The following VPS8 variants were observed in gnomAD, a reference collection of about 807,000 sequenced individuals.
VPS8 encodes vacuolar protein sorting-associated protein 8 homolog.
A neutral mutation model predicts 216.4 loss-of-function variants in VPS8; 129 were observed. That is an observed-to-expected ratio of 0.60 (90% CI 0.52 to 0.69). The LOEUF (loss-of-function observed/expected upper bound fraction) is 0.69, where lower values mean the gene tolerates loss of function less well. Among genes scored for constraint, VPS8 ranks in the 30% least tolerant of loss-of-function variants. VPS8 has a pLI of 0.00. For missense variants in VPS8, 1,531 were observed against 1,683.5 expected, an observed-to-expected ratio of 0.91 and a Z score of 1.59; for synonymous variants, 571 against 565.4, an observed-to-expected ratio of 1.01 and a Z score of -0.14.
chr3:185,013,972 G>T (rs1755413177), intron 45 of VPS8, among the ~76,000 whole-genome samples: 1 of 152,204 alleles, frequency 6.6e-6, no homozygotes, highest in Non-Finnish European at 1.5e-5. Flanking sequence ...GACCAGTCCT[G>T]TTTACAAATA....
intron 37 of VPS8, among the ~76,000 whole-genome samples, chr3:184,961,698 G>A (rs1746532607): frequency 6.9e-6 from 1 of 145,272 alleles, no homozygotes; most frequent in South Asian, 2.2e-4. Context: ...ATATCATACA[G>A]TAGATATTTT....
intron 1 of VPS8, among the ~76,000 whole-genome samples, chr3:184,819,055 A>G (rs1466405183): frequency 2.0e-5 from 3 of 152,220 alleles, no homozygotes; most frequent in Non-Finnish European, 4.4e-5. Flanking sequence ...CACACATTCT[A>G]GAGTTCTTAT....
chr3:185,040,884 C>G (rs114725768), intron 46 of VPS8, among the ~76,000 whole-genome samples: 1,680 of 152,092 alleles, frequency 0.011, 27 homozygotes, highest in African/African-American at 0.038. Context: ...CCCTTTAAGC[C>G]ATTGATAAAA....
rs564296274 is a variant in VPS8, at chr3:184,947,725, C to T, written c.3035+7482C>T. 3.9e-5 allele frequency among the ~76,000 whole-genome samples: 6 copies of T among 152,152 alleles called. No individual in the cohort carries two copies. In the South Asian group the frequency reaches 1.0e-3, roughly 26 times the overall value. On this transcript the variant is annotated intron_variant, in intron 36 of 47. Coordinates refer to ENST00000625842, the MANE Select transcript of VPS8 (RefSeq NM_001009921.3). ...TTTATATTTGTTTTCAAAATATCTA[C>T]AGTTGGAGTAAAAGTAAACTGGTGA... is the stretch of plus-strand genomic sequence containing the variant.
At chr3:184,968,664 A>G (rs1560913250) in intron 39 of VPS8, among the ~76,000 whole-genome samples, 1 of 152,042 alleles carries the variant, frequency 6.6e-6, no homozygotes, top group African/African-American at 2.4e-5. Flanking sequence ...CTATTTATCT[A>G]CCTTATTTGG....
chr3:185,002,199 T>C (rs1340581954), intron 45 of VPS8, among the ~76,000 whole-genome samples: 1 of 152,220 alleles, frequency 6.6e-6, no homozygotes, highest in African/African-American at 2.4e-5. Context: ...CATTGGTAAG[T>C]GTAATGTTAA....
At chr3:184,881,633 T>C (rs2108841101) in intron 21 of VPS8, among the ~76,000 whole-genome samples, 1 of 152,196 alleles carries the variant, frequency 6.6e-6, no homozygotes, top group East Asian at 1.9e-4. Context: ...TTTCTTTGAC[T>C]CTCCATATAA....
At chr3:185,048,601 A>G (rs369256754) in intron 47 of VPS8, 42 bp downstream of exon 47, 53 of 1,607,302 alleles carry the variant, frequency 3.3e-5, no homozygotes, top group South Asian at 5.5e-5. Flanking sequence ...TTCCCTATTT[A>G]TAGTTTACTG....
At chr3:184,864,360 C>T (rs1046907413) in intron 16 of VPS8, among the ~76,000 whole-genome samples, 1 of 152,052 alleles carries the variant, frequency 6.6e-6, no homozygotes, top group Admixed American at 6.6e-5. Context: ...AAGACAGAGC[C>T]AAGTTGCAGG....
intron 37 of VPS8, among the ~76,000 whole-genome samples, chr3:184,958,622 A>G (rs1253850194): frequency 6.6e-6 from 1 of 152,218 alleles, no homozygotes; most frequent in Non-Finnish European, 1.5e-5. Flanking sequence ...CAAGTTGTCT[A>G]GCTTTAGTGT....
chr3:184,902,687 G>A lies in VPS8; in HGVS notation c.2146+1715G>A, dbSNP rs373616955. Among the ~76,000 whole-genome samples the A allele has an allele frequency of 6.7e-4, 101 of 151,374 alleles. 2 individuals are homozygous for A. In the East Asian group the frequency reaches 0.015, roughly 22 times the overall value. ...TCTACTATAAATACAAAAATTAGCC[G>A]GGCGTGGTGGCGCGTGCCTGTAGTC... On this transcript the variant is annotated intron_variant, in intron 25 of 47. Transcript: ENST00000625842.
At chr3:185,002,844 C>T (rs1753599006) in intron 45 of VPS8, among the ~76,000 whole-genome samples, 1 of 152,170 alleles carries the variant, frequency 6.6e-6, no homozygotes, top group Admixed American at 6.5e-5. Context: ...TTTATGCACT[C>T]CTTGGTTGGT....
intron 42 of VPS8, among the ~76,000 whole-genome samples, chr3:184,990,544 T>C (rs1240414632): frequency 6.6e-6 from 1 of 152,222 alleles, no homozygotes; most frequent in Non-Finnish European, 1.5e-5. Flanking sequence ...GATCTCTAAC[T>C]GTGCAGATTG....
intron 36 of VPS8, among the ~76,000 whole-genome samples, chr3:184,946,681 T>C (rs1166243701): frequency 6.6e-6 from 1 of 152,182 alleles, no homozygotes; most frequent in East Asian, 1.9e-4. Context: ...TTCTCTCCTT[T>C]ATTCCTGAGC....
In VPS8 at chr3:184,930,539, G is replaced by A. The variant is rs1193090384; in HGVS notation, c.2869G>A (p.Val957Ile). The change falls in exon 34 of 48, where the codon GTA becomes ATA. Residue 957 changes from valine (V) to isoleucine (I), a missense_variant. Val to Ile is a conservative substitution (Grantham distance 29). Coordinates refer to ENST00000625842, the MANE Select transcript of VPS8 (RefSeq NM_001009921.3). ...PGHSAEEKQS[V>I]WQKAMDHIEE... ...ACACAGTGCAGAGGAGAAGCAGTCTGTATGGCAGAAAGCAATGGATCATAT... is the reference window on the plus strand; with the variant it reads ...ACACAGTGCAGAGGAGAAGCAGTCTATATGGCAGAAAGCAATGGATCATAT... The A allele has an allele frequency of 5.6e-6, 9 of 1,613,352 alleles. No homozygotes were observed. In the East Asian group the frequency reaches 1.8e-4, roughly 32 times the overall value.
intron 8 of VPS8, among the ~76,000 whole-genome samples, chr3:184,845,552 G>A (rs976080763): frequency 6.6e-6 from 1 of 152,080 alleles, no homozygotes; most frequent in African/African-American, 2.4e-5. Flanking sequence ...TTAAGGTCGG[G>A]AGTTCGAGAC....
At chr3:185,048,701 C>T (rs1713504741) in intron 47 of VPS8, 142 bp downstream of exon 47, 6 of 838,116 alleles carry the variant, frequency 7.2e-6, no homozygotes, top group Non-Finnish European at 1.1e-5. Context: ...ACATGGACAA[C>T]AGACCCTGGC....
chr3:185,007,464 A>G (rs1360790682), intron 45 of VPS8, among the ~76,000 whole-genome samples: 1 of 152,238 alleles, frequency 6.6e-6, no homozygotes, highest in East Asian at 1.9e-4. Flanking sequence ...CTTGCTATTA[A>G]TTGTTTAAAA....
intron 25 of VPS8, among the ~76,000 whole-genome samples, chr3:184,904,440 C>T (rs1054571398): frequency 1.3e-5 from 2 of 152,172 alleles, no homozygotes; most frequent in Admixed American, 1.3e-4. Flanking sequence ...GCTTTTTCTG[C>T]AGCTATTAAG....
Sources: allele counts gnomAD v4.1 joint callset (sites outside exome capture counted in the v4.1 genomes callset), GRCh38; gene constraint gnomAD v4.1.1; transcripts MANE v1.5; gene names NCBI Gene and HGNC (gene_info 2026-07-23, HGNC 2026-07-21).